KDM4C: variants seen among roughly 807,000 people sequenced by gnomAD.
KDM4C encodes the protein lysine demethylase 4C, also known as lysine-specific demethylase 4C.
KDM4C carries 81 observed loss-of-function variants against 129.3 expected under a neutral mutation model. The ratio of observed to expected loss-of-function variants is 0.63; its 90% CI spans 0.52 to 0.75. The LOEUF is 0.75. KDM4C is among the 30% of genes least tolerant of loss of function. KDM4C has a pLI of 0.00. For synonymous variants in KDM4C, 573 were observed against 456.1 expected (o/e 1.26, Z -3.26); for missense variants, 1,457 against 1,304.0 (o/e 1.12, Z -1.81).
rs984684792 is a variant in KDM4C at position 7,103,534 on chromosome 9, C to T, written c.2425-151C>T. On this transcript the variant is annotated intron_variant, in intron 17 of 21. Coordinates refer to ENST00000381309, the MANE Select transcript of KDM4C (RefSeq NM_015061.6). ...GATTACATTGCCACAGATGCTGTCA[C>T]CACTAGGGCCCCTGGAGGGGTCAGG... is the stretch of plus-strand genomic sequence containing the variant. 1.3e-4 allele frequency: 81 copies of T among 617,638 alleles called. 1 individual carries two copies. The Admixed American group carries it at 1.6e-3, about 12-fold the overall frequency. 38.3% of individuals were successfully genotyped at this position (617,638 alleles called of 1,614,324 possible).
intron 8 of KDM4C, among the ~76,000 whole-genome samples, chr9:6,954,660 C>T (rs1828756793): frequency 6.6e-6 from 1 of 152,128 alleles, no homozygotes; most frequent in African/African-American, 2.4e-5. Context: ...GCAGCTTTTA[C>T]AAGGCTAAGA....
At position 6,977,660 on chromosome 9, in the gene KDM4C, C is replaced by G. The variant is rs116737456; in HGVS notation, c.922-3265C>G. Among the ~76,000 whole-genome samples the G allele has an allele frequency of 3.4e-3, 513 of 152,208 alleles. 2 individuals carry two copies. Among genetic ancestry groups the G allele is most frequent in the African/African-American group, 0.012 (483 of 41,540 alleles). On this transcript the variant is annotated intron_variant, in intron 8 of 21. Coordinates refer to ENST00000381309, the MANE Select transcript of KDM4C (RefSeq NM_015061.6). ...TATGGACATTTCCTTTCATTAATGC[C>G]TGTCATCTGCTGGGCCTCCAGTTTC...
At chr9:7,130,409 C>T (rs1400616106) in intron 19 of KDM4C, among the ~76,000 whole-genome samples, 1 of 152,180 alleles carries the variant, frequency 6.6e-6, no homozygotes, top group Non-Finnish European at 1.5e-5. Context: ...GTTTGAAATC[C>T]TGCAAGTCTT....
intron 19 of KDM4C, among the ~76,000 whole-genome samples, chr9:7,160,537 G>A (rs1843674807): frequency 6.6e-6 from 1 of 152,198 alleles, no homozygotes; most frequent in Non-Finnish European, 1.5e-5. Flanking sequence ...TTTTGTCGAT[G>A]TTGATGCTAT....
chr9:6,741,676 CTT>C (rs71315557), intron 1 of KDM4C, among the ~76,000 whole-genome samples: 1,272 of 94,068 alleles, frequency 0.014, 12 homozygotes, highest in African/African-American at 0.05. Flanking sequence ...GGTGGCAGCT[CTT>C]TTTTTTTTTT....
At chr9:6,734,466 G>A (rs1817456945) in intron 1 of KDM4C, 1 of 163,584 alleles carries the variant, frequency 6.1e-6, no homozygotes, top group African/African-American at 2.4e-5. Flanking sequence ...AGTTAATTTT[G>A]TATTTTTAGT....
intron 11 of KDM4C, among the ~76,000 whole-genome samples, chr9:6,989,437 G>A (rs1233928707): frequency 6.6e-6 from 1 of 152,098 alleles, no homozygotes; most frequent in African/African-American, 2.4e-5. Flanking sequence ...TAAAAGGTGG[G>A]TCCTAGCTGG....
intron 19 of KDM4C, among the ~76,000 whole-genome samples, chr9:7,140,874 A>G (rs902253671): frequency 3.3e-5 from 5 of 152,280 alleles, no homozygotes; most frequent in African/African-American, 7.2e-5. Flanking sequence ...CAGTAAGAGC[A>G]TGTAACTAGA....
chr9:6,960,919 C>G (rs184354309), intron 8 of KDM4C, among the ~76,000 whole-genome samples: 1 of 152,142 alleles, frequency 6.6e-6, no homozygotes, highest in Admixed American at 6.5e-5. Context: ...GTGTGGGAAA[C>G]GGACAACCAC....
At chr9:6,827,110 G>A (rs551163588) in intron 4 of KDM4C, among the ~76,000 whole-genome samples, 2 of 152,244 alleles carry the variant, frequency 1.3e-5, no homozygotes, top group African/African-American at 4.8e-5. Context: ...CCCATTTTCT[G>A]CCATTCTTCT....
intron 17 of KDM4C, among the ~76,000 whole-genome samples, chr9:7,085,244 G>T (rs1834978258): frequency 6.6e-6 from 1 of 152,226 alleles, no homozygotes; most frequent in Admixed American, 6.5e-5. Flanking sequence ...CAGGGCCATT[G>T]TTGTGTGGCA....
At chr9:7,161,648 A>G (rs1054003509) in intron 19 of KDM4C, among the ~76,000 whole-genome samples, 8 of 152,136 alleles carry the variant, frequency 5.3e-5, no homozygotes, top group Admixed American at 3.3e-4. Flanking sequence ...TGTGGGTGCA[A>G]TGCCCTCTGT....
intron 15 of KDM4C, among the ~76,000 whole-genome samples, chr9:7,046,493 G>A (rs530251005): frequency 3.3e-5 from 5 of 152,064 alleles, no homozygotes; most frequent in African/African-American, 9.6e-5. Context: ...AGGCTACACC[G>A]TCGTGTGTGC....
intron 18 of KDM4C, among the ~76,000 whole-genome samples, chr9:7,116,267 T>C (rs1188330230): frequency 6.6e-6 from 1 of 152,182 alleles, no homozygotes; most frequent in African/African-American, 2.4e-5. Context: ...CCTTTCCCCA[T>C]ACATTTCTCA....
chr9:6,771,025 T>C lies in KDM4C; in HGVS notation c.-18+12822T>C, dbSNP rs940274316. Reference sequence around the variant, plus strand: ...TCCTGACCTCGTGATCCACCCGCCTTGGCCTCCCAAAGTGCTGGGATTACA... The same window carrying C: ...TCCTGACCTCGTGATCCACCCGCCTCGGCCTCCCAAAGTGCTGGGATTACA... On this transcript the variant is annotated intron_variant, in intron 1 of 21. Coordinates refer to ENST00000381309, the MANE Select transcript of KDM4C (RefSeq NM_015061.6). Among the ~76,000 whole-genome samples the C allele has an allele frequency of 2.7e-5, 4 of 149,122 alleles. No individual in the cohort carries two copies. In the East Asian group the frequency reaches 5.9e-4, roughly 22 times the overall value.
chr9:6,948,146 ACTGTAGAATCAGT>A (rs1305079136), intron 8 of KDM4C: 1 of 152,192 alleles, frequency 6.6e-6, no homozygotes, highest in East Asian at 1.9e-4. Flanking sequence ...TTTGATATTA[ACTGTAGAATCAGT>A]CTTTGAAATT....
At chr9:6,754,880 TAAAAAAAA>T (rs58382779), upstream of KDM4C, among the ~76,000 whole-genome samples, 10 of 83,354 alleles carry the variant, frequency 1.2e-4, no homozygotes, top group Non-Finnish European at 1.3e-4. Context: ...TGTCTCAAAG[TAAAAAAAA>T]AAAAAAAAAA....
At chr9:7,013,129 T>C (rs752151136) in intron 13 of KDM4C, among the ~76,000 whole-genome samples, 14 of 152,124 alleles carry the variant, frequency 9.2e-5, no homozygotes, top group Non-Finnish European at 1.6e-4. Flanking sequence ...AAATTCAAAC[T>C]AAAATAATAA....
intron 17 of KDM4C, among the ~76,000 whole-genome samples, chr9:7,050,957 C>T (rs547215173): frequency 6.6e-6 from 1 of 152,292 alleles, no homozygotes; most frequent in African/African-American, 2.4e-5. Flanking sequence ...TCACATTTCT[C>T]ATGGAACATT....
Sources: allele counts gnomAD v4.1 joint callset (sites outside exome capture counted in the v4.1 genomes callset), GRCh38; gene constraint gnomAD v4.1.1; transcripts MANE v1.5; gene names NCBI Gene and HGNC (gene_info 2026-07-23, HGNC 2026-07-21).